ZBTB17: variants seen among roughly 807,000 people sequenced by gnomAD.
The protein encoded by ZBTB17 is zinc finger and BTB domain-containing protein 17.
A neutral mutation model predicts 85.1 loss-of-function variants in ZBTB17; 24 were observed. The observed-to-expected ratio is 0.28, with a 90% CI of 0.20 to 0.40. The LOEUF is 0.40. Among genes scored for constraint, ZBTB17 ranks in the 10% least tolerant of loss-of-function variants. The pLI, the probability that ZBTB17 is intolerant of heterozygous loss-of-function variation, is 1.00. For missense variants in ZBTB17, 743 were observed against 1,105.1 expected, an observed-to-expected ratio of 0.67 and a Z score of 4.65; for synonymous variants, 464 against 460.2, an observed-to-expected ratio of 1.01 and a Z score of -0.11.
In ZBTB17 at chr1:15,964,989, C is replaced by A. The variant is rs2072390038; in HGVS notation, c.-3+8050G>T. The stretch of plus-strand genomic sequence containing the variant: ...ATTAGCCAGGCGTGGTGGCACGCAT[C>A]TGTAATCCCAGCTACTCAGGAGGCT... On this transcript the variant is annotated intron_variant, in intron 2 of 15. Coordinates refer to ENST00000375743, the MANE Select transcript of ZBTB17 (RefSeq NM_003443.3). This position sits in a 1 kb window ranked among gnomAD's most constrained non-coding sequence, Gnocchi z 4.3. 6.6e-6 allele frequency among the ~76,000 whole-genome samples: 1 copy of A among 152,018 alleles called. No individual in the cohort carries two copies. The highest frequency in any genetic ancestry group is 1.9e-4 in the East Asian group (1 of 5,150).
chr1:15,976,087 G>A lies in ZBTB17; in HGVS notation c.-194C>T. ...AAAGGGCGCCGCCATGTTAGAGTCG[G>A]GCGGAACCGACCTCGCAGGCTTCCC... On this transcript the variant is annotated 5_prime_UTR_variant, in exon 1 of 16. Transcript: ENST00000375743. The A allele has an allele frequency of 1.5e-6, 1 of 682,312 alleles. No homozygotes were observed. Among genetic ancestry groups the A allele is most frequent in the Middle Eastern group, 2.3e-4 (1 of 4,286 alleles). 42.3% of individuals were successfully genotyped at this position (682,312 alleles called of 1,614,324 possible).
Position 15,969,050 on chromosome 1 carries a change from C to T in ZBTB17, c.-3+3989G>A, listed in dbSNP as rs150655608. Among the ~76,000 whole-genome samples, 713 of 152,322 alleles carry T rather than the reference C, an allele frequency of 4.7e-3. 4 individuals carry two copies. Among genetic ancestry groups the T allele is most frequent in the African/African-American group, 0.016 (678 of 41,570 alleles). ...CGAAGCTTCAACCTGTATTTACAGC[C>T]GCTCCCCATCACTTGCCATTACCAC... On this transcript the variant is annotated intron_variant, in intron 2 of 15. Transcript: ENST00000375743.
At position 15,964,379 on chromosome 1, in the gene ZBTB17, T is replaced by A. The variant is rs1397785576; in HGVS notation, c.-3+8660A>T. 1.3e-5 allele frequency among the ~76,000 whole-genome samples: 2 copies of A among 152,188 alleles called. No individual in the cohort carries two copies. Among genetic ancestry groups the A allele is most frequent in the Admixed American group, 6.5e-5 (1 of 15,278 alleles). On this transcript the variant is annotated intron_variant, in intron 2 of 15. Transcript: ENST00000375743. This position sits in a 1 kb window ranked among gnomAD's most constrained non-coding sequence, Gnocchi z 4.3. ...ATTATAAACTCAATGCAAATTCTAATAAAACATACCAACAATTTTTATGGC... is the reference window on the plus strand; with the variant it reads ...ATTATAAACTCAATGCAAATTCTAAAAAAACATACCAACAATTTTTATGGC...
In ZBTB17 at chr1:15,944,977, G is replaced by A. The variant is rs568304019; in HGVS notation, c.887C>T (p.Thr296Met). ...GLRSGTYGDRTESKAYGSVIH... is the reference protein window; with the variant it reads ...GLRSGTYGDRMESKAYGSVIH... The stretch of plus-strand genomic sequence containing the variant: ...GACGGAGCCGTAGGCCTTGGACTCC[G>A]TGCGGTCGCCGTAGGTGCCTGAGCG... Residue 296 changes from threonine to methionine, a missense_variant, in exon 7 of 16, where the codon ACG becomes ATG. Physicochemically the swap from Thr to Met is moderately conservative, Grantham distance 81. Around this residue, in one of 4 missense-constraint regions of ZBTB17, gnomAD observed 279 missense variants for 269.9 expected, o/e 1.03. Transcript: ENST00000375743. 19 of 1,583,968 alleles carry A rather than the reference G, an allele frequency of 1.2e-5. No homozygotes were observed. In the African/African-American group the frequency reaches 2.1e-4, roughly 18 times the overall value.
Position 15,966,118 on chromosome 1 carries a change from A to C in ZBTB17, c.-3+6921T>G, listed in dbSNP as rs1422049397. On this transcript the variant is annotated intron_variant, in intron 2 of 15. Coordinates refer to ENST00000375743, the MANE Select transcript of ZBTB17 (RefSeq NM_003443.3). The surrounding 1 kb of genome is among the most constrained non-coding windows in gnomAD (Gnocchi z 4.1). ...TACTTTAAATCATTTGCCAAGCATTAATTTGGGCTGCTGACTGAGTCACAG... is the reference window on the plus strand; with the variant it reads ...TACTTTAAATCATTTGCCAAGCATTCATTTGGGCTGCTGACTGAGTCACAG... Among the ~76,000 whole-genome samples the C allele has an allele frequency of 6.6e-6, 1 of 152,198 alleles. No homozygotes were observed. The highest frequency in any genetic ancestry group is 1.5e-5 in the Non-Finnish European group (1 of 68,034).
At chr1:15,970,549 A>AT (rs917656376) in intron 2 of ZBTB17, among the ~76,000 whole-genome samples, 58 of 140,394 alleles carry the variant, frequency 4.1e-4, no homozygotes, top group South Asian at 4.6e-4. Context: ...CACCCAGCTA[A>AT]TTTTTTTTTT....
intron 2 of ZBTB17, among the ~76,000 whole-genome samples, chr1:15,960,125 G>A (rs368336066): frequency 6.6e-6 from 1 of 152,274 alleles, no homozygotes. Flanking sequence ...AATTCAACAC[G>A]CAACTGTGGG....
Position 15,944,348 on chromosome 1 carries a change from G to T in ZBTB17, c.1323C>A (p.Asp441Glu). 6.4e-7 allele frequency: 1 copy of T among 1,557,374 alleles called. No homozygotes were observed. The highest frequency in any genetic ancestry group is 8.7e-7 in the Non-Finnish European group (1 of 1,150,622). ...TSKMRHLETH[D>E]TDKEHKCPHC... ...GTGGGCACTTGTGCTCCTTGTCCGT[G>T]TCGTGGGTCTCCAGGTGGCGCATCT... The change falls in exon 9 of 16, where the codon GAC (aspartate) becomes GAA (glutamate). Residue 441 changes from aspartate (D) to glutamate (E), a missense_variant. By Grantham distance (45) the Asp-to-Glu change is conservative. Coordinates refer to ENST00000375743, the MANE Select transcript of ZBTB17 (RefSeq NM_003443.3).
chr1:15,948,975 G>T (rs1310686914), intron 2 of ZBTB17, among the ~76,000 whole-genome samples: 1 of 152,196 alleles, frequency 6.6e-6, no homozygotes, highest in Non-Finnish European at 1.5e-5. Flanking sequence ...ATTCTCTCAT[G>T]GACAGGTGAA....
chr1:15,967,315 G>T (rs1222978494), intron 2 of ZBTB17, among the ~76,000 whole-genome samples: 1 of 152,024 alleles, frequency 6.6e-6, no homozygotes, highest in Non-Finnish European at 1.5e-5. Flanking sequence ...GGTCGAGGCT[G>T]CAGTGAGCTA....
At position 15,973,053 on chromosome 1, in the gene ZBTB17, C is replaced by G. The variant is rs1380275261; in HGVS notation, c.-17G>C. On this transcript the variant is annotated 5_prime_UTR_variant, in exon 2 of 16. Coordinates refer to ENST00000375743, the MANE Select transcript of ZBTB17 (RefSeq NM_003443.3). The surrounding 1 kb of genome is among the most constrained non-coding windows in gnomAD (Gnocchi z 4.1). Reference sequence around the variant, plus strand: ...TACAGACATACCTCAGATTTCCAGACAGCCCAGGCTACTCTTTTCTGACAG... The same window carrying G: ...TACAGACATACCTCAGATTTCCAGAGAGCCCAGGCTACTCTTTTCTGACAG... The G allele has an allele frequency of 6.6e-6, 1 of 152,214 alleles. No individual in the cohort carries two copies. The highest frequency in any genetic ancestry group is 1.5e-5 in the Non-Finnish European group (1 of 68,032). 9.4% of individuals were successfully genotyped at this position (152,214 alleles called of 1,614,324 possible).
chr1:15,944,022 C>T, intron 9 of ZBTB17, 127 bp from the exon 10 acceptor site: 1 of 1,070,810 alleles, frequency 9.3e-7, no homozygotes, highest in Non-Finnish European at 1.4e-6. Context: ...CTCTATCTCT[C>T]CTGGGTCAGG....
intron 2 of ZBTB17, among the ~76,000 whole-genome samples, chr1:15,972,093 A>C (rs898808783): frequency 6.6e-6 from 1 of 152,066 alleles, no homozygotes; most frequent in Non-Finnish European, 1.5e-5. Context: ...GCGCCAGTGC[A>C]TCCTCCCTGT....
chr1:15,974,348 T>TC (rs1491359707), intron 1 of ZBTB17, among the ~76,000 whole-genome samples: 1 of 150,868 alleles, frequency 6.6e-6, no homozygotes, highest in Non-Finnish European at 1.5e-5. Context: ...TTTTTTTTTT[T>TC]TCTTTTAATA....
At position 15,945,142 on chromosome 1, in the gene ZBTB17, T is replaced by A. The variant is rs1471533974; in HGVS notation, c.722A>T (p.Glu241Val). ...CTCAGCTGGCCCTGCGCCCTCCTCC[T>A]CTTGCTCCTCTTGCTCCTTTTGCTC... ...EEEQKEQEEQ[E>V]EEGAGPAEVK... The change falls in exon 7 of 16, where the codon GAG becomes GTG. Residue 241 changes from glutamate to valine, a missense_variant. Physicochemically the swap from Glu to Val is moderately radical, Grantham distance 121. This residue lies in a region of ZBTB17 where 279 missense variants were observed against 269.9 expected (regional missense o/e 1.03). Transcript: ENST00000375743. The A allele has an allele frequency of 1.9e-6, 3 of 1,584,712 alleles. No homozygotes were observed. Among genetic ancestry groups the A allele is most frequent in the South Asian group, 2.3e-5 (2 of 86,702 alleles).
intron 2 of ZBTB17, among the ~76,000 whole-genome samples, chr1:15,967,823 G>C (rs56951060): frequency 0.035 from 5,393 of 152,308 alleles, 307 homozygotes; most frequent in African/African-American, 0.12. Flanking sequence ...GGGTTAGAAA[G>C]GTCAAGTACT....
chr1:15,961,565 C>T (rs1338530533), intron 2 of ZBTB17, among the ~76,000 whole-genome samples: 1 of 152,230 alleles, frequency 6.6e-6, no homozygotes, highest in African/African-American at 2.4e-5. Context: ...TGCTGTCCTA[C>T]AGCAGAGTTT....
chr1:15,944,049 A>G (rs776821016), intron 9 of ZBTB17, 154 bp from the exon 10 acceptor site: 1 of 969,658 alleles, frequency 1.0e-6, no homozygotes. Flanking sequence ...CCCAGGTCCC[A>G]GCGGTGAGAG....
chr1:15,946,100 C>T, intron 5 of ZBTB17, 54 bp downstream of exon 5: 1 of 1,600,410 alleles, frequency 6.2e-7, no homozygotes, highest in Non-Finnish European at 8.5e-7. Flanking sequence ...ACCCTGTGCC[C>T]AGGCTGCTGG....
Sources: gnomAD v4.1 joint callset for allele counts (sites outside exome capture counted in the v4.1 genomes callset) on GRCh38, gnomAD v4.1.1 for gene constraint, gnomAD v4.1.1 regional missense constraint, Gnocchi (gnomAD v3.1) non-coding constraint, MANE v1.5 for transcripts, NCBI Gene and HGNC (gene_info 2026-07-23, HGNC 2026-07-21) for gene names.